Variants in DGKH observed in about 807,000 individuals in gnomAD.
The protein encoded by DGKH is DAG kinase eta.
DGKH carries 90 observed loss-of-function variants against 159.3 expected under a neutral mutation model. That is an observed-to-expected ratio of 0.57 (90% confidence interval 0.48 to 0.67). The LOEUF (loss-of-function observed/expected upper bound fraction) is 0.67, where lower values mean the gene tolerates loss of function less well. Ranked by LOEUF, DGKH falls within the 30% of genes least tolerant of loss-of-function variation. DGKH has a pLI of 0.00. For missense variants in DGKH, 1,181 were observed against 1,506.1 expected (o/e 0.78, Z 3.57); for synonymous variants, 536 against 553.8 (o/e 0.97, Z 0.45).
rs1192687914 is a variant in DGKH, at chr13:42,241,283, T to G, written c.*12095T>G. The G allele has an allele frequency of 6.6e-6, 1 of 152,190 alleles. No individual in the cohort carries two copies. The highest frequency in any genetic ancestry group is 1.5e-5 in the Non-Finnish European group (1 of 68,028). The allele number at this position is 152,190 out of a possible 1,614,324, so 9.4% of individuals were successfully genotyped here. A position where few individuals can be genotyped will look rare whatever the true frequency, so the allele number is the denominator to read the frequency against. On this transcript the variant is annotated 3_prime_UTR_variant, in exon 30 of 30. Transcript: ENST00000337343. Reference sequence around the variant, plus strand: ...GTAGAGTCCAAGTTTGTTTTCACAGTTATTTTTCCACAGTCTGTTTAAGGT... The same window carrying G: ...GTAGAGTCCAAGTTTGTTTTCACAGGTATTTTTCCACAGTCTGTTTAAGGT...
intron 1 of DGKH, among the ~76,000 whole-genome samples, chr13:42,111,469 A>G (rs1420061580): frequency 6.6e-6 from 1 of 152,176 alleles, no homozygotes; most frequent in Non-Finnish European, 1.5e-5. Context: ...AGTCCCAGCT[A>G]CTTGGGAGGT....
intron 1 of DGKH, among the ~76,000 whole-genome samples, chr13:42,079,791 C>T (rs1256086522): frequency 2.6e-5 from 4 of 152,076 alleles, no homozygotes; most frequent in Admixed American, 2.0e-4. Context: ...GTCATTTTAC[C>T]ACAGTTTGTG....
At chr13:42,244,282 G>GAGCC, downstream of DGKH, among the ~76,000 whole-genome samples, 1 of 152,198 alleles carries the variant, frequency 6.6e-6, no homozygotes, top group Non-Finnish European at 1.5e-5. Flanking sequence ...CTTAGAAAAG[G>GAGCC]AGCCCCACAG....
At chr13:42,223,224 A>G (rs1444179049) in intron 29 of DGKH, among the ~76,000 whole-genome samples, 1 of 152,160 alleles carries the variant, frequency 6.6e-6, no homozygotes, top group Non-Finnish European at 1.5e-5. Context: ...AGCAGCGGCA[A>G]GTCCTTCAGA....
intron 1 of DGKH, chr13:42,069,220 G>T: frequency 1.7e-6 from 2 of 1,192,518 alleles, no homozygotes; most frequent in Non-Finnish European, 2.4e-6. Context: ...TAAGTAACTA[G>T]TGTGTTTTCC....
At chr13:42,134,739 A>T (rs1170617244) in intron 3 of DGKH, among the ~76,000 whole-genome samples, 2 of 152,176 alleles carry the variant, frequency 1.3e-5, no homozygotes. Flanking sequence ...GTGGTGGCTC[A>T]TGCCTGTAAT....
rs1958244934 is a variant in DGKH, at chr13:42,229,947, T to C, written c.*759T>C. 6.6e-6 allele frequency: 1 copy of C among 152,162 alleles called. No individual in the cohort carries two copies. Among genetic ancestry groups the C allele is most frequent in the African/African-American group, 2.4e-5 (1 of 41,450 alleles). The allele number at this position is 152,162 out of a possible 1,614,324, so 9.4% of individuals were successfully genotyped here. A position where few individuals can be genotyped will look rare whatever the true frequency, so the allele number is the denominator to read the frequency against. ...GCGTAAATATTCTGTACCTAAGACT[T>C]TGTGAAAGTGTGTCTGTGCCATAAT... On this transcript the variant is annotated 3_prime_UTR_variant, in exon 30 of 30. Coordinates refer to ENST00000337343, the MANE Select transcript of DGKH (RefSeq NM_178009.5).
At chr13:42,133,293 T>C (rs1955330511) in intron 3 of DGKH, among the ~76,000 whole-genome samples, 1 of 152,224 alleles carries the variant, frequency 6.6e-6, no homozygotes, top group Non-Finnish European at 1.5e-5. Context: ...TGATTTTAAC[T>C]AATAAGATGA....
intron 1 of DGKH, among the ~76,000 whole-genome samples, chr13:42,090,311 A>T (rs1192189087): frequency 1.3e-5 from 2 of 152,270 alleles, no homozygotes; most frequent in Admixed American, 1.3e-4. Flanking sequence ...TAATATTGTT[A>T]AAATTTCAGT....
intron 3 of DGKH, among the ~76,000 whole-genome samples, chr13:42,132,336 T>C (rs777598854): frequency 6.6e-6 from 1 of 152,244 alleles, no homozygotes; most frequent in Non-Finnish European, 1.5e-5. Context: ...TTGTTAACTA[T>C]AGTCATCCTA....
chr13:42,198,628 G>T (rs760336318), intron 18 of DGKH, 33 bp downstream of exon 18: 49 of 1,517,466 alleles, frequency 3.2e-5, no homozygotes, highest in Non-Finnish European at 4.1e-5. Flanking sequence ...ATTTTGTTTG[G>T]GTTTTTCTTG....
chr13:42,139,368 G>A (rs1052888286), intron 3 of DGKH, among the ~76,000 whole-genome samples: 5 of 152,204 alleles, frequency 3.3e-5, no homozygotes, highest in Admixed American at 3.3e-4. Flanking sequence ...CAGACCAGGG[G>A]AGTCCCAGGA....
At chr13:42,079,105 G>A (rs954454030) in intron 1 of DGKH, among the ~76,000 whole-genome samples, 4 of 151,312 alleles carry the variant, frequency 2.6e-5, no homozygotes, top group Admixed American at 6.6e-5. Flanking sequence ...TAGTAGAGAC[G>A]GGGTTTTGCC....
chr13:42,209,136 C>A, intron 22 of DGKH, 64 bp downstream of exon 22: 1 of 1,477,562 alleles, frequency 6.8e-7, no homozygotes, highest in Non-Finnish European at 9.3e-7. Flanking sequence ...GGAATCTATT[C>A]TAAACAACTC....
chr13:42,179,901 G>T (rs1201814474), intron 13 of DGKH, among the ~76,000 whole-genome samples: 1 of 151,936 alleles, frequency 6.6e-6, no homozygotes, highest in Non-Finnish European at 1.5e-5. Flanking sequence ...TAATTATCCT[G>T]TTTGCATCTG....
chr13:42,048,616 C>T, upstream of DGKH: 1 of 975,052 alleles, frequency 1.0e-6, no homozygotes, highest in Non-Finnish European at 1.3e-6. The surrounding 1 kb of genome is among the most constrained non-coding windows in gnomAD (Gnocchi z 6.7). Context: ...GGGCGCCTGC[C>T]CCGGGCGACC....
chr13:42,252,617 A>G (rs1402513184), intron 30 of DGKH: 1 of 152,708 alleles, frequency 6.5e-6, no homozygotes, highest in Non-Finnish European at 1.5e-5. Flanking sequence ...TAGGGATCCC[A>G]TGGATGCTCA....
At chr13:42,043,509 T>C (rs533064181) in intron 1 of DGKH, among the ~76,000 whole-genome samples, 1 of 152,074 alleles carries the variant, frequency 6.6e-6, no homozygotes, top group East Asian at 1.9e-4. Context: ...TGGGCTCATT[T>C]TGGATTTTTT....
At chr13:42,255,316 C>A (rs891422872) in intron 30 of DGKH, among the ~76,000 whole-genome samples, 6 of 151,752 alleles carry the variant, frequency 4.0e-5, no homozygotes, top group Admixed American at 2.0e-4. Flanking sequence ...TTTTAAAAAA[C>A]CAACTTAAAT....
Sources: allele counts gnomAD v4.1 joint callset (sites outside exome capture counted in the v4.1 genomes callset), GRCh38; gene constraint gnomAD v4.1.1; non-coding constraint Gnocchi (gnomAD v3.1); transcripts MANE v1.5; gene names NCBI Gene and HGNC (gene_info 2026-07-23, HGNC 2026-07-21).